The following KSR2 variants were observed in gnomAD, a reference collection of about 807,000 sequenced individuals.
The protein encoded by KSR2 is kinase suppressor of ras 2.
A neutral mutation model predicts 107.8 loss-of-function variants in KSR2; 25 were observed. The ratio of observed to expected loss-of-function variants is 0.23; its 90% CI spans 0.17 to 0.32. The LOEUF (loss-of-function observed/expected upper bound fraction) is 0.32. KSR2 is among the 10% of genes least tolerant of loss of function. The pLI, the probability that KSR2 is intolerant of heterozygous loss-of-function variation, is 1.00. For missense variants in KSR2, 887 were observed against 1,268.9 expected (o/e 0.70, Z 4.57); for synonymous variants, 480 against 507.0 (o/e 0.95, Z 0.71).
intron 5 of KSR2, among the ~76,000 whole-genome samples, chr12:117,659,744 T>C (rs773756928): frequency 7.9e-5 from 12 of 152,182 alleles, no homozygotes; most frequent in Non-Finnish European, 1.6e-4. Context: ...AGCTCTGACA[T>C]CTATCCTAGA....
chr12:117,902,270 C>T (rs1593354804), intron 1 of KSR2, among the ~76,000 whole-genome samples: 1 of 152,032 alleles, frequency 6.6e-6, no homozygotes, highest in Non-Finnish European at 1.5e-5. Flanking sequence ...ACCAGCCTGG[C>T]CAACATGGTG....
At chr12:117,564,889 A>G (rs1199674127) in intron 7 of KSR2, among the ~76,000 whole-genome samples, 1 of 152,146 alleles carries the variant, frequency 6.6e-6, no homozygotes, top group Non-Finnish European at 1.5e-5. Flanking sequence ...GGCTATTTCT[A>G]TTTCTTATAA....
chr12:117,655,009 G>T (rs1884080122), intron 5 of KSR2, among the ~76,000 whole-genome samples: 1 of 152,182 alleles, frequency 6.6e-6, no homozygotes, highest in African/African-American at 2.4e-5. Context: ...TGCCCAATTT[G>T]CCAGCAGCAG....
chr12:117,867,227 G>A (rs1433071931), intron 1 of KSR2, among the ~76,000 whole-genome samples: 1 of 151,958 alleles, frequency 6.6e-6, no homozygotes, highest in East Asian at 1.9e-4. Context: ...GAGGTGGGAG[G>A]ATGGCTTGAG....
chr12:117,547,646 C>T lies in KSR2; in HGVS notation c.1518+7523G>A, dbSNP rs115466012. Among the ~76,000 whole-genome samples, 559 of 152,152 alleles carry T rather than the reference C, an allele frequency of 3.7e-3. 2 individuals are homozygous for T. The highest frequency in any genetic ancestry group is 0.013 in the African/African-American group (533 of 41,508). ...TCTGTGGTGTTTGGCTGGGGTAGGA[C>T]GGTTATTGGGTAAAAGTTTTCTTGC... On this transcript the variant is annotated intron_variant, in intron 9 of 19. Coordinates refer to ENST00000339824, the MANE Select transcript of KSR2 (RefSeq NM_173598.6).
intron 4 of KSR2, among the ~76,000 whole-genome samples, chr12:117,690,277 A>G (rs1009578830): frequency 7.9e-5 from 12 of 152,168 alleles, no homozygotes; most frequent in East Asian, 1.9e-4. Flanking sequence ...AAGAATGGGG[A>G]AAAAGGCCGG....
At chr12:117,727,035 G>T (rs1423097895) in intron 4 of KSR2, among the ~76,000 whole-genome samples, 2 of 152,030 alleles carry the variant, frequency 1.3e-5, no homozygotes, top group African/African-American at 4.8e-5. Flanking sequence ...ATCAAGTTAA[G>T]GTCATACTTG....
At chr12:117,716,931 C>T (rs1014324930) in intron 4 of KSR2, among the ~76,000 whole-genome samples, 2 of 152,214 alleles carry the variant, frequency 1.3e-5, no homozygotes, top group African/African-American at 2.4e-5. Flanking sequence ...TTTCCTCCCA[C>T]GCTGGCTCCT....
chr12:117,811,773 G>C (rs112626415), intron 3 of KSR2, among the ~76,000 whole-genome samples: 5,570 of 152,280 alleles, frequency 0.037, 146 homozygotes, highest in African/African-American at 0.058. Context: ...ACTACAATTA[G>C]CTAAGGTTTG....
At chr12:117,530,556 C>T (rs973496830) in intron 12 of KSR2, among the ~76,000 whole-genome samples, 1 of 152,076 alleles carries the variant, frequency 6.6e-6, no homozygotes, top group Admixed American at 6.5e-5. Flanking sequence ...ATTCCATGTT[C>T]AGTGACATGG....
At chr12:117,872,185 A>C (rs1240784267) in intron 1 of KSR2, among the ~76,000 whole-genome samples, 1 of 152,180 alleles carries the variant, frequency 6.6e-6, no homozygotes, top group Non-Finnish European at 1.5e-5. Context: ...TTATTTACAA[A>C]TGTGAAAACA....
At chr12:117,800,511 A>T (rs1890795334) in intron 3 of KSR2, among the ~76,000 whole-genome samples, 1 of 152,220 alleles carries the variant, frequency 6.6e-6, no homozygotes, top group Non-Finnish European at 1.5e-5. Flanking sequence ...AGATTCCAAT[A>T]GGATAGTGTA....
chr12:117,526,694 G>A (rs914273958), intron 13 of KSR2, among the ~76,000 whole-genome samples: 1 of 152,128 alleles, frequency 6.6e-6, no homozygotes, highest in Admixed American at 6.5e-5. Context: ...AGAAGCCCCA[G>A]AGCATTCTCA....
chr12:117,773,505 C>A (rs1306449931), intron 3 of KSR2, among the ~76,000 whole-genome samples: 1 of 152,020 alleles, frequency 6.6e-6, no homozygotes, highest in Non-Finnish European at 1.5e-5. Context: ...GCTTAAATTT[C>A]TCTGAATTTC....
chr12:117,573,843 A>G (rs1419972813), intron 7 of KSR2, among the ~76,000 whole-genome samples: 3 of 152,082 alleles, frequency 2.0e-5, no homozygotes, highest in African/African-American at 7.2e-5. Context: ...ATCACACGTT[A>G]TCATTTGGTC....
Position 117,667,530 on chromosome 12 carries a change from T to C in KSR2, c.1115A>G (p.His372Arg), listed in dbSNP as rs753370103. 3.1e-6 allele frequency: 5 copies of C among 1,612,704 alleles called. No homozygotes were observed. In the African/African-American group the frequency reaches 4.0e-5, roughly 13 times the overall value. The stretch of plus-strand genomic sequence containing the variant: ...AGGGGTGGAAGGCAGGAAAGGTGCG[T>C]GTCCCACAAAGAAGGAGCGGAGGGA... The part of the protein sequence containing the change: ...ERSLRSFFVG[H>R]APFLPSTPPV... Residue 372 changes from histidine to arginine, a missense_variant, in exon 5 of 20, where the codon CAC (histidine) becomes CGC (arginine). Around this residue, in one of 8 missense-constraint regions of KSR2, gnomAD observed 399 missense variants for 479.5 expected, o/e 0.83. Transcript: ENST00000339824.
chr12:117,891,095 T>A (rs1894327492), intron 1 of KSR2: 1 of 152,194 alleles, frequency 6.6e-6, no homozygotes, highest in African/African-American at 2.4e-5. Context: ...TAGTTCAAAT[T>A]ACTAGACAAT....
At chr12:117,863,447 G>A (rs145287490) in intron 1 of KSR2, among the ~76,000 whole-genome samples, 39 of 152,226 alleles carry the variant, frequency 2.6e-4, no homozygotes, top group Non-Finnish European at 4.4e-4. Context: ...AGCAGTGAGC[G>A]GAGAAACCAG....
At chr12:117,683,909 C>T (rs995507148) in intron 4 of KSR2, among the ~76,000 whole-genome samples, 4 of 152,236 alleles carry the variant, frequency 2.6e-5, no homozygotes, top group Admixed American at 2.6e-4. Flanking sequence ...AACTCAGCTG[C>T]AGACAATGTG....
Sources: allele counts gnomAD v4.1 joint callset (sites outside exome capture counted in the v4.1 genomes callset), GRCh38; gene constraint gnomAD v4.1.1; regional missense constraint gnomAD v4.1.1; transcripts MANE v1.5; gene names NCBI Gene and HGNC (gene_info 2026-07-23, HGNC 2026-07-21).